The following PPP2R3B variants were observed in gnomAD, a reference collection of about 807,000 sequenced individuals.
PPP2R3B encodes serine/threonine-protein phosphatase 2A regulatory subunit B'' subunit beta.
In PPP2R3B, 68 loss-of-function variants were observed where a neutral mutation model predicts 72.9. The observed-to-expected ratio is 0.93, with a 90% CI of 0.77 to 1.14. The LOEUF (loss-of-function observed/expected upper bound fraction) is 1.14. Ranked by LOEUF, PPP2R3B falls within the 50% of genes most tolerant of loss-of-function variation. PPP2R3B has a pLI of 0.00. For missense variants in PPP2R3B, 1,018 were observed against 842.0 expected, an observed-to-expected ratio of 1.21 and a Z score of -2.59; for synonymous variants, 466 against 375.8, an observed-to-expected ratio of 1.24 and a Z score of -2.78.
At chrX:381,494 C>T (rs750272315) in intron 1 of PPP2R3B, among the ~76,000 whole-genome samples, 57 of 152,086 alleles carry the variant, frequency 3.7e-4, no homozygotes, top group African/African-American at 1.3e-3. Context: ...ACCCCAGCAT[C>T]GCCCCTCCCC....
At position 385,825 on chromosome X, in the gene PPP2R3B, A is replaced by C. The variant is rs1369207478; in HGVS notation, c.324+543T>G. Among the ~76,000 whole-genome samples the C allele has an allele frequency of 3.9e-5, 6 of 151,904 alleles. 1 individual carries two copies. The highest frequency in any genetic ancestry group is 2.0e-4 in the Admixed American group (3 of 15,240). ...ACCAGGCGCAGTGACTCACGTCTGAAATCCCAGCACTTTGGGAGGCCAAGG... is the reference window on the plus strand; with the variant it reads ...ACCAGGCGCAGTGACTCACGTCTGACATCCCAGCACTTTGGGAGGCCAAGG... On this transcript the variant is annotated intron_variant, in intron 1 of 12. Transcript: ENST00000390665.
rs371079586 is a variant in PPP2R3B at position 334,460 on chromosome X, C to T, written c.1635G>A (p.Leu545=). The T allele has an allele frequency of 3.6e-5, 58 of 1,595,202 alleles. No homozygotes were observed. The highest frequency in any genetic ancestry group is 2.0e-4 in the Middle Eastern group (1 of 4,988). ...GCGCCTCGAAGAAGGGCCTCTGGGCCAGCGGGGAGCGCAGCGCACTCAGCT... is the reference window on the plus strand; with the variant it reads ...GCGCCTCGAAGAAGGGCCTCTGGGCTAGCGGGGAGCGCAGCGCACTCAGCT... The part of the protein sequence containing the change: ...EQKLSALRSP[L]AQRPFFEAPS... Residue 545 remains leucine (L), a synonymous_variant, in exon 13 of 13, where the codon CTG becomes CTA. Transcript: ENST00000390665.
At position 346,889 on chromosome X, in the gene PPP2R3B, GAC is replaced by G; in HGVS notation, c.718-116_718-115del. On this transcript the variant is annotated intron_variant, in intron 4 of 12. Coordinates refer to ENST00000390665, the MANE Select transcript of PPP2R3B (RefSeq NM_013239.5). ...CGTGAGCGATGAGGTGTGCGGTGTA[GAC>G]GCCGGCCCTCCCGTGAGGGATGAGG... The G allele has an allele frequency of 3.0e-6, 3 of 1,009,834 alleles. No homozygotes were observed. The South Asian group carries it at 4.4e-5, about 15-fold the overall frequency. The allele number at this position is 1,009,834 out of a possible 1,614,324, so 62.6% of individuals were successfully genotyped here. A position where few individuals can be genotyped will look rare whatever the true frequency, so the allele number is the denominator to read the frequency against.
chrX:369,595 T>C (rs184698086), intron 1 of PPP2R3B, among the ~76,000 whole-genome samples: 225 of 152,286 alleles, frequency 1.5e-3, no homozygotes, highest in African/African-American at 5.3e-3. Context: ...TGCAGGTGAG[T>C]GTACCCCGAG....
intron 1 of PPP2R3B, among the ~76,000 whole-genome samples, chrX:372,275 G>A (rs946680969): frequency 6.6e-6 from 1 of 152,214 alleles, no homozygotes; most frequent in Non-Finnish European, 1.5e-5. Flanking sequence ...CAAAAACTCC[G>A]AAGGAGTGCA....
intron 2 of PPP2R3B, among the ~76,000 whole-genome samples, chrX:348,212 G>A (rs1487780523): frequency 6.6e-6 from 1 of 152,108 alleles, no homozygotes; most frequent in Non-Finnish European, 1.5e-5. Context: ...GAGATGGAAC[G>A]CAAAGTAAAT....
chrX:334,360 G>T lies in PPP2R3B; in HGVS notation c.*7C>A, dbSNP rs1197959053. 2 of 1,484,698 alleles carry T rather than the reference G, an allele frequency of 1.3e-6. No homozygotes were observed. Among genetic ancestry groups the T allele is most frequent in the Non-Finnish European group, 1.8e-6 (2 of 1,126,154 alleles). The allele number at this position is 1,484,698 out of a possible 1,614,324, so 92.0% of individuals were successfully genotyped here. ...GCGGCCCCGCGGCGGCGTTCTCGCG[G>T]GCGGCGTCACAGCGGCTCCAGGTCC... On this transcript the variant is annotated 3_prime_UTR_variant, in exon 13 of 13. Coordinates refer to ENST00000390665, the MANE Select transcript of PPP2R3B (RefSeq NM_013239.5).
chrX:369,236 C>T (rs766942553), intron 1 of PPP2R3B, among the ~76,000 whole-genome samples: 6 of 152,190 alleles, frequency 3.9e-5, no homozygotes, highest in African/African-American at 7.2e-5. Context: ...TAAAGCCAGC[C>T]GCCTGTTCAT....
chrX:367,830 G>A (rs915537916), intron 1 of PPP2R3B, among the ~76,000 whole-genome samples: 5 of 152,176 alleles, frequency 3.3e-5, no homozygotes, highest in African/African-American at 1.2e-4. Flanking sequence ...GTGACTTAAG[G>A]ACCCAGAGGC....
intron 1 of PPP2R3B, among the ~76,000 whole-genome samples, chrX:380,434 CA>C (rs200251925): frequency 0.011 from 1,648 of 152,264 alleles, 21 homozygotes; most frequent in African/African-American, 0.037. Context: ...ACATGAATGG[CA>C]AATAAGCACC....
chrX:340,855 A>C lies in PPP2R3B; in HGVS notation c.1261T>G (p.Cys421Gly), dbSNP rs2071048028. The change falls in exon 10 of 13, where the codon TGC becomes GGC. Residue 421 changes from cysteine (C) to glycine (G), a missense_variant. By Grantham distance (159) the Cys-to-Gly change is radical (BLOSUM62 -3). Coordinates refer to ENST00000390665, the MANE Select transcript of PPP2R3B (RefSeq NM_013239.5). The stretch of plus-strand genomic sequence containing the variant: ...ATGGCCATGCTGTCCAGCCTTCGGC[A>C]CTGCTCCTCGTAGAAGTACTCGAGC... Reference protein sequence around the residue: ...FELEYFYEEQCRRLDSMAIEA... With the variant: ...FELEYFYEEQGRRLDSMAIEA... 6.2e-7 allele frequency: 1 copy of C among 1,612,042 alleles called. No homozygotes were observed. The highest frequency in any genetic ancestry group is 8.5e-7 in the Non-Finnish European group (1 of 1,179,712).
At chrX:386,273 T>G in intron 1 of PPP2R3B, 95 bp downstream of exon 1, 1 of 1,082,562 alleles carries the variant, frequency 9.2e-7, no homozygotes, top group Non-Finnish European at 1.2e-6. Context: ...TTTTGGGGTC[T>G]GACGCTCGCC....
intron 2 of PPP2R3B, among the ~76,000 whole-genome samples, chrX:360,586 A>T (rs936348918): frequency 1.3e-5 from 2 of 152,160 alleles, no homozygotes; most frequent in Admixed American, 6.5e-5. Context: ...GACCCCCTTC[A>T]CAGCTGCAGA....
At position 344,146 on chromosome X, in the gene PPP2R3B, A is replaced by G. The variant is rs1239442111; in HGVS notation, c.1036+1370T>C. Among the ~76,000 whole-genome samples, 181 of 92,640 alleles carry G rather than the reference A, an allele frequency of 2.0e-3. 45 individuals are homozygous for G. The highest frequency in any genetic ancestry group is 4.4e-3 in the South Asian group (9 of 2,028). The allele number at this position is 92,640 out of a possible 152,430, so 60.8% of individuals were successfully genotyped here. A position where few individuals can be genotyped will look rare whatever the true frequency, so the allele number is the denominator to read the frequency against. On this transcript the variant is annotated intron_variant, in intron 7 of 12. Coordinates refer to ENST00000390665, the MANE Select transcript of PPP2R3B (RefSeq NM_013239.5). ...CAACGGGAGGCGGGAGGGAGACCTC[A>G]GCAACGGGAGGCGGGAGGGAGACCT...
chrX:384,300 T>TAC (rs2072197265), intron 1 of PPP2R3B, among the ~76,000 whole-genome samples: 20 of 134,160 alleles, frequency 1.5e-4, no homozygotes, highest in African/African-American at 2.7e-4. Context: ...ATATATATAC[T>TAC]TTTTTTTTTT....
intron 1 of PPP2R3B, among the ~76,000 whole-genome samples, chrX:372,435 G>A (rs752608553): frequency 1.3e-5 from 2 of 152,278 alleles, no homozygotes; most frequent in South Asian, 4.1e-4. Flanking sequence ...TGAAAAGCGC[G>A]TCTGATGTGC....
chrX:355,655 G>A (rs2071420676), intron 2 of PPP2R3B, among the ~76,000 whole-genome samples: 2 of 152,158 alleles, frequency 1.3e-5, no homozygotes, highest in South Asian at 2.1e-4. Context: ...AAACGTCTCC[G>A]AGTTCTGTGC....
Position 341,488 on chromosome X carries a change from A to AACC in PPP2R3B, c.1086-93_1086-92insGGT, listed in dbSNP as rs2071073848. 6 of 1,313,610 alleles carry AACC rather than the reference A, an allele frequency of 4.6e-6. No homozygotes were observed. In the South Asian group the frequency reaches 6.0e-5, roughly 13 times the overall value. 81.4% of individuals were successfully genotyped at this position (1,313,610 alleles called of 1,614,324 possible). A position where few individuals can be genotyped will look rare whatever the true frequency, so the allele number is the denominator to read the frequency against. ...CCTGTCCACGCGCCTCGGTGAGGGG[A>AACC]GCCCCCCGGGCCCGGCCCTCCTCCT... is the stretch of plus-strand genomic sequence containing the variant. On this transcript the variant is annotated intron_variant, in intron 8 of 12. Transcript: ENST00000390665.
chrX:360,815 C>T (rs539533458), intron 2 of PPP2R3B, among the ~76,000 whole-genome samples: 5 of 152,326 alleles, frequency 3.3e-5, no homozygotes, highest in East Asian at 3.9e-4. Context: ...GCCTTGGTAA[C>T]GGACAGACAC....
Sources: gnomAD v4.1 joint callset for allele counts (sites outside exome capture counted in the v4.1 genomes callset) on GRCh38, gnomAD v4.1.1 for gene constraint, MANE v1.5 for transcripts, NCBI Gene and HGNC (gene_info 2026-07-23, HGNC 2026-07-21) for gene names.